Variants in EPB41L5 observed in about 807,000 individuals in gnomAD.
EPB41L5 encodes the protein erythrocyte membrane protein band 4.1 like 5.
A neutral mutation model predicts 106.6 loss-of-function variants in EPB41L5; 55 were observed. That is an observed-to-expected ratio of 0.52 (90% CI 0.42 to 0.65). The LOEUF is 0.65. Among genes scored for constraint, EPB41L5 ranks in the 30% least tolerant of loss-of-function variants. EPB41L5 has a pLI of 0.00. For synonymous variants in EPB41L5, 297 were observed against 306.7 expected (o/e 0.97, Z 0.33); for missense variants, 871 against 882.1 (o/e 0.99, Z 0.16).
At chr2:120,165,616 C>T (rs1255459938) in intron 22 of EPB41L5, among the ~76,000 whole-genome samples, 1 of 152,228 alleles carries the variant, frequency 6.6e-6, no homozygotes, top group East Asian at 1.9e-4. Context: ...ATGCACAACT[C>T]ATGGATATGG....
chr2:120,036,927 AGAT>A (rs1679075598), intron 2 of EPB41L5, among the ~76,000 whole-genome samples: 1 of 152,194 alleles, frequency 6.6e-6, no homozygotes, highest in East Asian at 1.9e-4. Context: ...ATCAGGAACA[AGAT>A]AAAGGTATCT....
intron 22 of EPB41L5, among the ~76,000 whole-genome samples, chr2:120,165,967 C>CAAAAAAAA (rs536664071): frequency 1.4e-4 from 4 of 27,996 alleles, no homozygotes; most frequent in African/African-American, 2.3e-4. Context: ...GACTCCGTCT[C>CAAAAAAAA]AAAAAAAAAA....
intron 10 of EPB41L5, among the ~76,000 whole-genome samples, chr2:120,084,924 C>T (rs1202965695): frequency 6.6e-6 from 1 of 152,176 alleles, no homozygotes; most frequent in African/African-American, 2.4e-5. Context: ...AAATCAGCTA[C>T]TGAAGCTTGT....
chr2:120,163,980 C>CTTTTTTTTTTTTTTTTTTTT (rs70949387), intron 21 of EPB41L5, among the ~76,000 whole-genome samples: 5 of 68,140 alleles, frequency 7.3e-5, no homozygotes, highest in Non-Finnish European at 1.1e-4. Flanking sequence ...TTTGTATTTA[C>CTTTTTTTTTTTTTTTTTTTT]TTTTTTTTTT....
At chr2:120,137,639 C>T (rs1371635564) in intron 18 of EPB41L5, among the ~76,000 whole-genome samples, 1 of 151,962 alleles carries the variant, frequency 6.6e-6, no homozygotes, top group African/African-American at 2.4e-5. Context: ...TGCAGCCTAC[C>T]AGGACTGAAC....
chr2:120,046,926 C>A (rs924668943), intron 3 of EPB41L5, among the ~76,000 whole-genome samples: 8 of 151,912 alleles, frequency 5.3e-5, no homozygotes, highest in Non-Finnish European at 1.0e-4. Flanking sequence ...GAATCCTTTC[C>A]CTATTTCTTG....
In EPB41L5 at chr2:120,106,015, C is replaced by G. The variant is rs73952032; in HGVS notation, c.1337+5201C>G. ...AATTATTCTTAATCTGCAGGACATG[C>G]TCATATAATGCCCCATATATATCTT... On this transcript the variant is annotated intron_variant, in intron 16 of 24. Transcript: ENST00000263713. 1.2e-3 allele frequency: 1,174 copies of G among 984,750 alleles called. 9 individuals carry two copies. In the African/African-American group the frequency reaches 0.019, roughly 16 times the overall value. The allele number at this position is 984,750 out of a possible 1,614,324, so 61.0% of individuals were successfully genotyped here.
intron 3 of EPB41L5, among the ~76,000 whole-genome samples, chr2:120,065,546 T>C (rs1331313165): frequency 6.9e-6 from 1 of 145,138 alleles, no homozygotes; most frequent in Non-Finnish European, 1.5e-5. Context: ...GGAGTCTCGC[T>C]CACTCTGTCA....
At chr2:120,051,827 T>C (rs997419407) in intron 3 of EPB41L5, among the ~76,000 whole-genome samples, 4 of 78,250 alleles carry the variant, frequency 5.1e-5, no homozygotes, top group East Asian at 7.4e-4. Context: ...ACCTCCTGCA[T>C]TGTTTTGTTT....
Position 120,175,490 on chromosome 2 carries a change from C to G in EPB41L5, c.*583C>G, listed in dbSNP as rs1188998127. The G allele has an allele frequency of 6.6e-6, 1 of 152,080 alleles. No homozygotes were observed. The highest frequency in any genetic ancestry group is 2.4e-5 in the African/African-American group (1 of 41,290). 9.4% of individuals were successfully genotyped at this position (152,080 alleles called of 1,614,324 possible). A position where few individuals can be genotyped will look rare whatever the true frequency, so the allele number is the denominator to read the frequency against. On this transcript the variant is annotated 3_prime_UTR_variant, in exon 25 of 25. Transcript: ENST00000263713. ...ATATAGAGAGTTTTTAAATGTCTCC[C>G]ATTCTTTTGATTTCTTACTGTACTG...
At chr2:120,122,400 C>T (rs1363666671) in intron 16 of EPB41L5, among the ~76,000 whole-genome samples, 4 of 152,212 alleles carry the variant, frequency 2.6e-5, no homozygotes, top group Non-Finnish European at 4.4e-5. Context: ...ATATGGCTAG[C>T]CAGTTTTCCC....
intron 2 of EPB41L5, among the ~76,000 whole-genome samples, chr2:120,040,204 T>C (rs1679315711): frequency 6.6e-6 from 1 of 151,942 alleles, no homozygotes; most frequent in Admixed American, 6.6e-5. Flanking sequence ...CGTCTAGAAT[T>C]AAAGAAATAT....
intron 16 of EPB41L5, among the ~76,000 whole-genome samples, chr2:120,103,073 T>G (rs1234898405): frequency 6.6e-6 from 1 of 152,194 alleles, no homozygotes; most frequent in Non-Finnish European, 1.5e-5. Context: ...AAAAATTATT[T>G]TAGTTAATTT....
intron 19 of EPB41L5, among the ~76,000 whole-genome samples, chr2:120,144,597 A>G (rs990483153): frequency 6.6e-6 from 1 of 152,208 alleles, no homozygotes; most frequent in African/African-American, 2.4e-5. Context: ...GAAATCTACT[A>G]AACATTTATG....
intron 17 of EPB41L5, among the ~76,000 whole-genome samples, chr2:120,129,477 G>A (rs1685605059): frequency 6.6e-6 from 1 of 152,056 alleles, no homozygotes; most frequent in South Asian, 2.1e-4. Flanking sequence ...GTATTTCCAG[G>A]GTTAAAAATA....
At chr2:120,080,179 T>C (rs1478795466) in intron 10 of EPB41L5, among the ~76,000 whole-genome samples, 1 of 152,014 alleles carries the variant, frequency 6.6e-6, no homozygotes, top group Admixed American at 6.6e-5. Context: ...TACGTATGTA[T>C]ACATGCGCCA....
intron 20 of EPB41L5, among the ~76,000 whole-genome samples, chr2:120,155,404 C>T (rs183204061): frequency 3.9e-5 from 6 of 152,120 alleles, no homozygotes; most frequent in Non-Finnish European, 5.9e-5. Context: ...CATGATGAGT[C>T]GTTTCTGTCT....
rs1304588024 is a variant in EPB41L5, at chr2:120,127,551, T to A, written c.1338-137T>A. 6.3e-6 allele frequency: 4 copies of A among 635,738 alleles called. No homozygotes were observed. The South Asian group carries it at 9.1e-5, about 14-fold the overall frequency. The allele number at this position is 635,738 out of a possible 1,614,324, so 39.4% of individuals were successfully genotyped here. Reference sequence around the variant, plus strand: ...TATTTTTAAATGTTTTTTTAATTTTTATTTTTGTTTTATTTTTGATTCATG... The same window carrying A: ...TATTTTTAAATGTTTTTTTAATTTTAATTTTTGTTTTATTTTTGATTCATG... On this transcript the variant is annotated intron_variant, in intron 16 of 24. Transcript: ENST00000263713.
At chr2:120,126,866 AG>A (rs1475934509) in intron 16 of EPB41L5, among the ~76,000 whole-genome samples, 1 of 152,216 alleles carries the variant, frequency 6.6e-6, no homozygotes, top group Non-Finnish European at 1.5e-5. Context: ...CAGTTTGGGG[AG>A]AAGCCATCTT....
Sources: gnomAD v4.1 joint callset for allele counts (sites outside exome capture counted in the v4.1 genomes callset) on GRCh38, gnomAD v4.1.1 for gene constraint, MANE v1.5 for transcripts, NCBI Gene and HGNC (gene_info 2026-07-23, HGNC 2026-07-21) for gene names.